The following EGF variants were observed in gnomAD, a reference collection of about 807,000 sequenced individuals.
The protein encoded by EGF is epidermal growth factor.
Under a neutral mutation model 143.8 loss-of-function variants are expected in EGF, and 95 were observed. The ratio of observed to expected loss-of-function variants is 0.66; its 90% confidence interval spans 0.56 to 0.78. The LOEUF (loss-of-function observed/expected upper bound fraction) is 0.78. Ranked by LOEUF, EGF falls within the 30% of genes least tolerant of loss-of-function variation. EGF has a pLI of 0.00. For synonymous variants in EGF, 510 were observed against 510.5 expected (o/e 1.00, Z 0.01); for missense variants, 1,320 against 1,470.9 (o/e 0.90, Z 1.68).
intron 1 of EGF, among the ~76,000 whole-genome samples, chr4:109,938,012 G>A (rs1741161993): frequency 1.3e-5 from 2 of 152,114 alleles, no homozygotes; most frequent in African/African-American, 4.8e-5. Context: ...TTCTCGAGGA[G>A]TATCTTTGGG....
At chr4:109,974,637 AAGG>A (rs773027311) in intron 11 of EGF, 63 bp from the exon 12 acceptor site, 3 of 1,173,006 alleles carry the variant, frequency 2.6e-6, no homozygotes, top group African/African-American at 3.0e-5. Context: ...AAAGAGGAGA[AAGG>A]AGTATTTTTG....
At chr4:109,914,267 G>A (rs1560615181) in intron 1 of EGF, among the ~76,000 whole-genome samples, 1 of 151,738 alleles carries the variant, frequency 6.6e-6, no homozygotes, top group African/African-American at 2.4e-5. Context: ...AGCCGCCTTT[G>A]TTGATGAGAG....
At chr4:109,977,717 A>G (rs1271250964) in intron 13 of EGF, among the ~76,000 whole-genome samples, 1 of 152,136 alleles carries the variant, frequency 6.6e-6, no homozygotes, top group Non-Finnish European at 1.5e-5. Flanking sequence ...GAGTGCCTGT[A>G]ATCCCTCTGC....
chr4:109,981,579 C>A (rs1749363724), intron 15 of EGF, among the ~76,000 whole-genome samples: 1 of 152,152 alleles, frequency 6.6e-6, no homozygotes. Context: ...GTGGATTCAT[C>A]CCTTGATATC....
chr4:109,923,006 A>G (rs1194773283), intron 1 of EGF, among the ~76,000 whole-genome samples: 1 of 151,564 alleles, frequency 6.6e-6, no homozygotes. Flanking sequence ...TCCTGGGATG[A>G]GCTAAGTCCT....
At chr4:109,973,788 C>T (rs777418541) in intron 11 of EGF, among the ~76,000 whole-genome samples, 4 of 152,046 alleles carry the variant, frequency 2.6e-5, no homozygotes, top group Non-Finnish European at 4.4e-5. Flanking sequence ...CAATCCCTGA[C>T]ACACAGTTGG....
In EGF at chr4:110,008,219, A is replaced by G. The variant is rs1272917192; in HGVS notation, c.3359A>G (p.Gln1120Arg). 6.2e-7 allele frequency: 1 copy of G among 1,614,056 alleles called. No homozygotes were observed. Among genetic ancestry groups the G allele is most frequent in the Non-Finnish European group, 8.5e-7 (1 of 1,179,946 alleles). Residue 1120 changes from glutamine to arginine, a missense_variant, in exon 23 of 24, where the codon CAG becomes CGG. Physicochemically the swap from Gln to Arg is conservative, Grantham distance 43 (BLOSUM62 1). Transcript: ENST00000265171. ...GGQPVAGEDG[Q>R]AADGSMQPTS... is the part of the protein sequence containing the mutation. ...CAACCAGTGGCTGGTGAGGATGGCC[A>G]GGCAGCAGATGGTCAGTTTTTATCC... is the stretch of plus-strand genomic sequence containing the variant.
At chr4:109,978,042 A>G (rs1037102679) in intron 13 of EGF, among the ~76,000 whole-genome samples, 2 of 152,194 alleles carry the variant, frequency 1.3e-5, no homozygotes, top group Non-Finnish European at 1.5e-5. Context: ...GGCCATTATC[A>G]AATAATTTTA....
intron 5 of EGF, among the ~76,000 whole-genome samples, chr4:109,958,194 AC>A (rs1448891650): frequency 6.6e-6 from 1 of 152,212 alleles, no homozygotes; most frequent in Non-Finnish European, 1.5e-5. Flanking sequence ...TACAATGCCT[AC>A]ATCACTTCAT....
At chr4:109,931,304 T>G (rs922507590) in intron 1 of EGF, among the ~76,000 whole-genome samples, 4 of 152,226 alleles carry the variant, frequency 2.6e-5, no homozygotes, top group African/African-American at 9.6e-5. Flanking sequence ...TAAAATTATA[T>G]TTTATTACAT....
At position 109,932,187 on chromosome 4, in the gene EGF, G is replaced by A. The variant is rs79604826; in HGVS notation, c.128-8759G>A. ...ATGGCTTTGTTCTATTAGTAAAAGC[G>A]CAAATAAACAGAACACAATTATTTC... is the stretch of plus-strand genomic sequence containing the variant. On this transcript the variant is annotated intron_variant, in intron 1 of 23. Transcript: ENST00000265171. Among the ~76,000 whole-genome samples, 1,178 of 151,464 alleles carry A rather than the reference G, an allele frequency of 7.8e-3. 13 individuals are homozygous for A. The highest frequency in any genetic ancestry group is 0.027 in the African/African-American group (1,111 of 41,370).
intron 20 of EGF, 80 bp downstream of exon 20, chr4:109,994,960 T>A: frequency 6.3e-7 from 1 of 1,586,600 alleles, no homozygotes; most frequent in Non-Finnish European, 8.6e-7. Flanking sequence ...AAATTTACAC[T>A]CAGGATGTTT....
At chr4:110,000,130 A>C (rs1291172605) in intron 21 of EGF, among the ~76,000 whole-genome samples, 1 of 152,010 alleles carries the variant, frequency 6.6e-6, no homozygotes, top group Non-Finnish European at 1.5e-5. Context: ...GCACACCAGT[A>C]ATCTCAGCTA....
chr4:109,994,101 A>G (rs1422729154), intron 19 of EGF, among the ~76,000 whole-genome samples: 2 of 151,566 alleles, frequency 1.3e-5, no homozygotes, highest in Non-Finnish European at 2.9e-5. Context: ...AAAACTGCTT[A>G]TATTTATGTA....
chr4:109,942,926 A>G (rs1052124831), intron 2 of EGF, among the ~76,000 whole-genome samples: 4 of 152,218 alleles, frequency 2.6e-5, no homozygotes, highest in Non-Finnish European at 5.9e-5. Context: ...AGCTGTCTGT[A>G]TGGTTGCATC....
At chr4:109,957,915 G>A (rs571562760) in intron 5 of EGF, among the ~76,000 whole-genome samples, 15 of 152,296 alleles carry the variant, frequency 9.8e-5, no homozygotes, top group African/African-American at 3.4e-4. Flanking sequence ...TTACGCTCAA[G>A]CTTGCTACTG....
chr4:109,927,848 T>TGTGTGTGA lies in EGF; in HGVS notation c.128-13097_128-13096insTGTGTGAG, dbSNP rs35084748. ...GTGTGTGTGTGTGTGTGTGTGTGTG[T>TGTGTGTGA]GAAACATTTGGAAAAACTTTTCTAA... On this transcript the variant is annotated intron_variant, in intron 1 of 23. Coordinates refer to ENST00000265171, the MANE Select transcript of EGF (RefSeq NM_001963.6). 9.0e-3 allele frequency among the ~76,000 whole-genome samples: 1,278 copies of TGTGTGTGA among 142,526 alleles called. 47 individuals are homozygous for TGTGTGTGA. The highest frequency in any genetic ancestry group is 0.031 in the African/African-American group (1,191 of 38,652). 93.5% of individuals were successfully genotyped at this position (142,526 alleles called of 152,430 possible).
intron 5 of EGF, among the ~76,000 whole-genome samples, chr4:109,956,356 A>G (rs1025411114): frequency 1.9e-4 from 29 of 152,216 alleles, no homozygotes; most frequent in African/African-American, 6.5e-4. Flanking sequence ...AAGAGTTTTT[A>G]TAAGAAGCAT....
chr4:109,996,372 A>G (rs894216268), intron 20 of EGF, among the ~76,000 whole-genome samples: 1 of 152,218 alleles, frequency 6.6e-6, no homozygotes, highest in Non-Finnish European at 1.5e-5. Flanking sequence ...CAAACTGGAG[A>G]TAAGACTCAA....
Sources: gnomAD v4.1 joint callset for allele counts (sites outside exome capture counted in the v4.1 genomes callset) on GRCh38, gnomAD v4.1.1 for gene constraint, MANE v1.5 for transcripts, NCBI Gene and HGNC (gene_info 2026-07-23, HGNC 2026-07-21) for gene names.